CLIP1: variants seen among roughly 807,000 people sequenced by gnomAD.
CLIP1 encodes CAP-Gly domain-containing linker protein 1.
CLIP1 carries 66 observed loss-of-function variants against 161.6 expected under a neutral mutation model. The observed-to-expected ratio is 0.41, with a 90% CI of 0.33 to 0.50. The LOEUF (loss-of-function observed/expected upper bound fraction) is 0.50. Among genes scored for constraint, CLIP1 ranks in the 20% least tolerant of loss-of-function variants. The probability of loss-of-function intolerance (pLI) is 0.27; values close to 1 mark genes in which losing one functional copy is unlikely to be tolerated. For synonymous variants in CLIP1, 598 were observed against 626.2 expected, an observed-to-expected ratio of 0.96 and a Z score of 0.67; for missense variants, 1,376 against 1,702.0, an observed-to-expected ratio of 0.81 and a Z score of 3.37.
Position 122,377,446 on chromosome 12 carries a change from T to C in CLIP1, c.600A>G (p.Ser200=). 2 of 1,614,178 alleles carry C rather than the reference T, an allele frequency of 1.2e-6. No individual in the cohort carries two copies. The highest frequency in any genetic ancestry group is 1.1e-5 in the South Asian group (1 of 91,082). The change falls in exon 3 of 26, where the codon TCA becomes TCG. Residue 200 remains serine (S), a synonymous_variant. Coordinates refer to ENST00000620786, the MANE Select transcript of CLIP1 (RefSeq NM_001247997.2). ...KTASESISNL[S]EAGSIKKGER... is the part of the protein sequence containing the mutation. ...CTCCTTTCTTGATTGAGCCAGCCTC[T>C]GAAAGGTTGGAGATAGATTCACTGG...
chr12:122,406,434 T>C (rs1956332125), intron 1 of CLIP1, among the ~76,000 whole-genome samples: 1 of 152,170 alleles, frequency 6.6e-6, no homozygotes, highest in African/African-American at 2.4e-5. Flanking sequence ...ATCAGAAAAT[T>C]AACTGGCCCC....
At chr12:122,364,506 G>C (rs1469126730) in intron 3 of CLIP1, among the ~76,000 whole-genome samples, 1 of 151,820 alleles carries the variant, frequency 6.6e-6, no homozygotes, top group Non-Finnish European at 1.5e-5. Context: ...CGGGCTAGGG[G>C]ATCTTCCCAC....
chr12:122,354,623 T>G, intron 6 of CLIP1, 67 bp from the exon 7 acceptor site: 1 of 1,282,328 alleles, frequency 7.8e-7, no homozygotes, highest in Non-Finnish European at 1.1e-6. Flanking sequence ...GTGATACTTC[T>G]CCAAAGAGCT....
chr12:122,315,814 T>C (rs1951243230), intron 19 of CLIP1, among the ~76,000 whole-genome samples: 1 of 151,864 alleles, frequency 6.6e-6, no homozygotes, highest in African/African-American at 2.4e-5. Context: ...CTAATTTCTT[T>C]GTATTTTTAG....
chr12:122,421,685 G>T (rs1176085289), intron 1 of CLIP1, among the ~76,000 whole-genome samples: 2 of 152,182 alleles, frequency 1.3e-5, no homozygotes, highest in Non-Finnish European at 2.9e-5. Context: ...CAGGGAGGAG[G>T]GGGTGGCGCT....
At chr12:122,326,721 C>A (rs375931654) in intron 17 of CLIP1, among the ~76,000 whole-genome samples, 9 of 151,626 alleles carry the variant, frequency 5.9e-5, no homozygotes, top group East Asian at 5.8e-4. Context: ...TCAGCTTCTG[C>A]GATGCTGTGG....
chr12:122,319,061 T>A (rs916717095), intron 18 of CLIP1, among the ~76,000 whole-genome samples, 171 bp downstream of exon 18: 1 of 152,236 alleles, frequency 6.6e-6, no homozygotes, highest in Non-Finnish European at 1.5e-5. Flanking sequence ...TTGATCCTAA[T>A]AAGTAATGAA....
chr12:122,387,821 A>C (rs976609041), intron 1 of CLIP1, among the ~76,000 whole-genome samples: 3 of 151,696 alleles, frequency 2.0e-5, no homozygotes, highest in Admixed American at 6.6e-5. Flanking sequence ...CCTGGGCTCA[A>C]GCGATCCTCC....
chr12:122,325,141 C>T (rs780173442), intron 17 of CLIP1, among the ~76,000 whole-genome samples: 5 of 151,322 alleles, frequency 3.3e-5, no homozygotes, highest in Non-Finnish European at 7.4e-5. Context: ...TCACTGCAAC[C>T]TCCGCCTCTG....
intron 5 of CLIP1, among the ~76,000 whole-genome samples, chr12:122,357,506 TGG>T (rs201478131): frequency 7.1e-6 from 1 of 141,096 alleles, no homozygotes; most frequent in Non-Finnish European, 1.5e-5. Context: ...AGGAGGGAGG[TGG>T]GGGGGGTCAG....
intron 1 of CLIP1, among the ~76,000 whole-genome samples, chr12:122,390,530 T>C (rs1262763385): frequency 2.0e-5 from 3 of 151,592 alleles, no homozygotes; most frequent in Non-Finnish European, 4.4e-5. Context: ...TAGTCTGGTC[T>C]GGAACTCCTG....
chr12:122,362,393 A>G (rs764252164), intron 4 of CLIP1, among the ~76,000 whole-genome samples: 6 of 151,560 alleles, frequency 4.0e-5, no homozygotes, highest in Non-Finnish European at 8.8e-5. Flanking sequence ...CGCCTGTAAT[A>G]GAACTTCCAG....
intron 18 of CLIP1, 25 bp downstream of exon 18, chr12:122,319,207 T>C (rs775053541): frequency 1.4e-6 from 2 of 1,461,416 alleles, no homozygotes; most frequent in South Asian, 1.1e-5. Context: ...GTTCTTTGTA[T>C]AAAAAGCTAT....
chr12:122,417,679 A>AT (rs1956803259), intron 1 of CLIP1, among the ~76,000 whole-genome samples: 1 of 151,630 alleles, frequency 6.6e-6, no homozygotes, highest in Non-Finnish European at 1.5e-5. Context: ...AGCCTGGCTA[A>AT]TTTTTTGTAT....
rs1955536631 is a variant in CLIP1 at position 122,278,863 on chromosome 12, T to C, written c.3845A>G (p.Lys1282Arg). The C allele has an allele frequency of 6.2e-7, 1 of 1,613,258 alleles. No homozygotes were observed. Residue 1282 changes from lysine (K) to arginine (R), a missense_variant, in exon 23 of 26, where the codon AAG becomes AGG. Lys to Arg is a conservative substitution (Grantham distance 26). Transcript: ENST00000620786. ...CAAGTTCTTTACCTTGAGCTCGAGC[T>C]TCACCTTATCAGACTCTAGAGTCTG... ...VVQTLESDKV[K>R]LELKVKNLEL...
intron 1 of CLIP1, among the ~76,000 whole-genome samples, chr12:122,403,494 G>GTTTTTTTTTTTTTTTTTTT (rs1036910823): frequency 1.8e-5 from 1 of 55,816 alleles, no homozygotes; most frequent in Non-Finnish European, 4.1e-5. Context: ...ATCATTTCTT[G>GTTTTTTTTTTTTTTTTTTT]TTTTGTTTTT....
At chr12:122,318,630 C>T (rs761956052) in intron 18 of CLIP1, among the ~76,000 whole-genome samples, 6 of 152,158 alleles carry the variant, frequency 3.9e-5, no homozygotes, top group Non-Finnish European at 7.3e-5. Context: ...GTGCCTCAGT[C>T]GGCTTAGGAT....
intron 1 of CLIP1, among the ~76,000 whole-genome samples, chr12:122,390,199 T>A (rs376664732): frequency 4.3e-5 from 5 of 116,896 alleles, no homozygotes; most frequent in South Asian, 2.9e-4. Flanking sequence ...ATATATATAA[T>A]ATATATATAC....
chr12:122,418,832 T>C (rs1479797584), intron 1 of CLIP1, among the ~76,000 whole-genome samples: 1 of 152,170 alleles, frequency 6.6e-6, no homozygotes. Context: ...ATAAACATTG[T>C]CTACTCTTCA....
Sources: allele counts gnomAD v4.1 joint callset (sites outside exome capture counted in the v4.1 genomes callset), GRCh38; gene constraint gnomAD v4.1.1; transcripts MANE v1.5; gene names NCBI Gene and HGNC (gene_info 2026-07-23, HGNC 2026-07-21).